LRP1B: variants seen among roughly 807,000 people sequenced by gnomAD.
LRP1B encodes LDL receptor related protein 1B, also known as low-density lipoprotein receptor-related protein 1B.
A neutral mutation model predicts 556.6 loss-of-function variants in LRP1B; 217 were observed. The observed-to-expected ratio is 0.39, with a 90% CI of 0.35 to 0.44. LRP1B has a LOEUF of 0.44. Ranked by LOEUF, LRP1B falls within the 20% of genes least tolerant of loss-of-function variation. LRP1B has a pLI of 1.00. For missense variants in LRP1B, 5,053 were observed against 5,620.8 expected, an observed-to-expected ratio of 0.90 and a Z score of 3.23; for synonymous variants, 2,047 against 1,865.8, an observed-to-expected ratio of 1.10 and a Z score of -2.50.
intron 1 of LRP1B, among the ~76,000 whole-genome samples, chr2:141,882,077 C>T (rs548083861): frequency 2.0e-4 from 30 of 152,008 alleles, no homozygotes; most frequent in Non-Finnish European, 4.1e-4. Context: ...TTTTTAATTC[C>T]TAAAATTGCA....
At chr2:140,998,434 GT>G (rs539385495) in intron 15 of LRP1B, among the ~76,000 whole-genome samples, 1 of 151,902 alleles carries the variant, frequency 6.6e-6, no homozygotes, top group African/African-American at 2.4e-5. Context: ...TCTATATTGT[GT>G]TTTTTTCCCA....
At chr2:140,816,187 G>A (rs1018019111) in intron 31 of LRP1B, among the ~76,000 whole-genome samples, 3 of 151,416 alleles carry the variant, frequency 2.0e-5, no homozygotes, top group African/African-American at 4.9e-5. Context: ...GCATGATCTC[G>A]GCTCACTACA....
intron 3 of LRP1B, among the ~76,000 whole-genome samples, chr2:141,313,012 C>G (rs1686871284): frequency 1.3e-5 from 2 of 152,086 alleles, no homozygotes; most frequent in South Asian, 2.1e-4. Flanking sequence ...ACTTTCTGCT[C>G]TAGGTAACAG....
At chr2:140,816,054 T>A (rs1458046108) in intron 31 of LRP1B, among the ~76,000 whole-genome samples, 1 of 152,148 alleles carries the variant, frequency 6.6e-6, no homozygotes. Context: ...TAATTCCATC[T>A]TGAAACTATA....
In LRP1B at chr2:141,142,778, A is replaced by G. The variant is rs527593380; in HGVS notation, c.1013+45643T>C. Among the ~76,000 whole-genome samples, 103 of 151,782 alleles carry G rather than the reference A, an allele frequency of 6.8e-4. 1 individual carries two copies. The highest frequency in any genetic ancestry group is 2.2e-3 in the Admixed American group (34 of 15,232). ...TTCCTGCTTCTCCTACATTTTACTT[A>G]TAAATAAACTGTTGAACAGAGGGAG... On this transcript the variant is annotated intron_variant, in intron 7 of 90. Transcript: ENST00000389484.
chr2:141,018,920 C>G (rs892686662), intron 12 of LRP1B, among the ~76,000 whole-genome samples: 3 of 151,928 alleles, frequency 2.0e-5, no homozygotes, highest in African/African-American at 7.2e-5. Flanking sequence ...ATTTGGTAAT[C>G]TCGGTTTATA....
chr2:141,848,805 C>T (rs979759789), intron 1 of LRP1B, among the ~76,000 whole-genome samples: 3 of 151,266 alleles, frequency 2.0e-5, no homozygotes, highest in African/African-American at 4.8e-5. Flanking sequence ...GAGGAAATAA[C>T]GGAACAAAAT....
intron 1 of LRP1B, among the ~76,000 whole-genome samples, chr2:142,020,301 A>T (rs1703289438): frequency 6.6e-6 from 1 of 152,192 alleles, no homozygotes; most frequent in Non-Finnish European, 1.5e-5. Flanking sequence ...GGCCCAAAGC[A>T]TGCTTTGGAA....
chr2:140,897,427 C>T (rs1044537955), intron 23 of LRP1B, among the ~76,000 whole-genome samples: 2 of 152,044 alleles, frequency 1.3e-5, no homozygotes, highest in Non-Finnish European at 2.9e-5. Context: ...AGCCATAAAG[C>T]CTAAAAATAT....
At chr2:140,676,350 T>C (rs1233018660) in intron 41 of LRP1B, among the ~76,000 whole-genome samples, 1 of 152,198 alleles carries the variant, frequency 6.6e-6, no homozygotes. Flanking sequence ...CAAAACCACA[T>C]GATTTAAAAA....
chr2:141,639,349 T>TATATATATACAC (rs1262198983), intron 2 of LRP1B, among the ~76,000 whole-genome samples: 4 of 56,086 alleles, frequency 7.1e-5, no homozygotes, highest in African/African-American at 2.0e-4. Flanking sequence ...TATATATATA[T>TATATATATACAC]ACACACACAC....
chr2:140,643,069 A>T (rs1684360604), intron 41 of LRP1B, among the ~76,000 whole-genome samples: 1 of 152,160 alleles, frequency 6.6e-6, no homozygotes, highest in Non-Finnish European at 1.5e-5. Context: ...TATTTACCTC[A>T]ATTTCAAAGA....
chr2:141,081,842 C>T (rs1699930122), intron 7 of LRP1B, among the ~76,000 whole-genome samples: 1 of 152,126 alleles, frequency 6.6e-6, no homozygotes, highest in African/African-American at 2.4e-5. Context: ...AACTCTGTGC[C>T]ACCAAGATTC....
intron 1 of LRP1B, among the ~76,000 whole-genome samples, chr2:142,009,569 C>A (rs1200087926): frequency 6.6e-6 from 1 of 151,636 alleles, no homozygotes; most frequent in Non-Finnish European, 1.5e-5. Context: ...CAAAACTTCA[C>A]TTCTAAAAAG....
intron 7 of LRP1B, among the ~76,000 whole-genome samples, chr2:141,160,851 T>C (rs1014270640): frequency 2.0e-5 from 3 of 151,080 alleles, no homozygotes; most frequent in South Asian, 2.1e-4. Context: ...TTAATCTATA[T>C]ATATATATAT....
intron 15 of LRP1B, among the ~76,000 whole-genome samples, chr2:140,995,759 T>A (rs1279398860): frequency 6.6e-6 from 1 of 152,070 alleles, no homozygotes; most frequent in Non-Finnish European, 1.5e-5. Flanking sequence ...AACTATCTTT[T>A]TATGTTTTGG....
chr2:142,012,108 T>C (rs1702976563), intron 1 of LRP1B, among the ~76,000 whole-genome samples: 3 of 152,154 alleles, frequency 2.0e-5, no homozygotes, highest in Non-Finnish European at 4.4e-5. Context: ...GCCCAAAATA[T>C]TCATTATCGT....
At chr2:141,714,461 T>C (rs1247842144) in intron 2 of LRP1B, among the ~76,000 whole-genome samples, 2 of 150,818 alleles carry the variant, frequency 1.3e-5, no homozygotes, top group East Asian at 1.9e-4. Context: ...TTTTTTTTTT[T>C]CCTATATTTT....
At chr2:140,822,073 G>A (rs963493536) in intron 31 of LRP1B, among the ~76,000 whole-genome samples, 10 of 152,046 alleles carry the variant, frequency 6.6e-5, no homozygotes, top group Non-Finnish European at 1.2e-4. Flanking sequence ...AGATTCCTAA[G>A]AATATCCATG....
Sources: allele counts gnomAD v4.1 joint callset (sites outside exome capture counted in the v4.1 genomes callset), GRCh38; gene constraint gnomAD v4.1.1; transcripts MANE v1.5; gene names NCBI Gene and HGNC (gene_info 2026-07-23, HGNC 2026-07-21).